The following NEXMIF variants were observed in gnomAD, a reference collection of about 807,000 sequenced individuals.
The protein encoded by NEXMIF is XLMR protein related to neurite extension.
A neutral mutation model predicts 62.1 loss-of-function variants in NEXMIF; 8 were observed. The ratio of observed to expected loss-of-function variants is 0.13; its 90% confidence interval spans 0.08 to 0.23. The LOEUF (loss-of-function observed/expected upper bound fraction) is 0.23, where lower values mean the gene tolerates loss of function less well. Among genes scored for constraint, NEXMIF ranks in the 10% least tolerant of loss-of-function variants. NEXMIF has a pLI of 1.00. For missense variants in NEXMIF, 976 were observed against 1,113.3 expected, an observed-to-expected ratio of 0.88 and a Z score of 1.75; for synonymous variants, 404 against 416.6, an observed-to-expected ratio of 0.97 and a Z score of 0.37.
intron 1 of NEXMIF, among the ~76,000 whole-genome samples, chrX:74,796,229 A>T (rs867515621): frequency 0.07 from 4,250 of 60,600 alleles, 200 homozygotes; most frequent in Non-Finnish European, 0.098. Flanking sequence ...ATACATATAT[A>T]ATATATATAT....
chrX:74,851,834 G>A (rs759125127), intron 1 of NEXMIF, among the ~76,000 whole-genome samples: 2 of 111,344 alleles, frequency 1.8e-5, no homozygotes, highest in South Asian at 7.5e-4. Flanking sequence ...GGACAAAAAA[G>A]GACTCAAATG....
intron 1 of NEXMIF, among the ~76,000 whole-genome samples, chrX:74,831,544 T>C (rs1033825669): frequency 1.5e-4 from 17 of 110,593 alleles, no homozygotes; most frequent in Non-Finnish European, 2.8e-4. Context: ...TATGGCTGCA[T>C]AGTATTCCAT....
intron 1 of NEXMIF, among the ~76,000 whole-genome samples, chrX:74,884,464 A>G: frequency 9.0e-6 from 1 of 111,680 alleles, no homozygotes; most frequent in East Asian, 2.8e-4. Flanking sequence ...TACCAAGCAA[A>G]TGGAAAACAA....
chrX:74,864,352 TTAAGC>T (rs1450169518), intron 1 of NEXMIF, among the ~76,000 whole-genome samples: 2 of 112,280 alleles, frequency 1.8e-5, no homozygotes, highest in African/African-American at 6.5e-5. Flanking sequence ...CCAAAGCTTC[TTAAGC>T]TAATAAGCAA....
chrX:74,744,318 G>A lies in NEXMIF; in HGVS notation c.239C>T (p.Pro80Leu), dbSNP rs1472519537. The A allele has an allele frequency of 8.3e-7, 1 of 1,209,621 alleles. No individual in the cohort carries two copies. Among genetic ancestry groups the A allele is most frequent in the African/African-American group, 1.8e-5 (1 of 57,060 alleles). ...KKPCMQSPPS[P>L]LGLIEAPEHA... The stretch of plus-strand genomic sequence containing the variant: ...TTCGGGTGCTTCAATCAGGCCCAAA[G>A]GAGAGGGCGGGCTCTGCATACAGGG... The change falls in exon 3 of 4, where the codon CCT (proline) becomes CTT (leucine). Residue 80 changes from proline (P) to leucine (L), a missense_variant. Pro to Leu is a moderately conservative substitution (Grantham distance 98). Around this residue, in one of 5 missense-constraint regions of NEXMIF, gnomAD observed 126 missense variants for 146.5 expected, o/e 0.86. Transcript: ENST00000055682.
intron 1 of NEXMIF, among the ~76,000 whole-genome samples, chrX:74,885,412 A>G (rs1223679376): frequency 1.8e-5 from 2 of 111,889 alleles, no homozygotes; most frequent in Non-Finnish European, 3.8e-5. Flanking sequence ...AGAATAATAA[A>G]GAAGAAAAGG....
intron 1 of NEXMIF, among the ~76,000 whole-genome samples, chrX:74,761,499 T>C (rs1362274243): frequency 1.8e-5 from 2 of 111,670 alleles, no homozygotes; most frequent in Admixed American, 1.9e-4. Context: ...GTTTTCCAGT[T>C]TGTGTCCATA....
intron 1 of NEXMIF, among the ~76,000 whole-genome samples, chrX:74,912,022 A>G (rs954684832): frequency 4.5e-5 from 5 of 111,999 alleles, no homozygotes; most frequent in Non-Finnish European, 9.4e-5. Flanking sequence ...GATTGAAAAC[A>G]CTGAATCTAC....
chrX:74,735,230 A>G lies in NEXMIF; in HGVS notation c.*4175T>C, dbSNP rs1320717667. ...CTCAATAATAAAGGAGAAAATAAAC[A>G]TTTCTATTTCTAGCAATAGTTAGGA... On this transcript the variant is annotated 3_prime_UTR_variant, in exon 4 of 4. Transcript: ENST00000055682. 4 of 111,652 alleles carry G rather than the reference A, an allele frequency of 3.6e-5. No homozygotes were observed. 9.2% of individuals were successfully genotyped at this position (111,652 alleles called of 1,213,427 possible).
chrX:74,792,516 T>G (rs2080288059), intron 1 of NEXMIF, among the ~76,000 whole-genome samples: 2 of 104,253 alleles, frequency 1.9e-5, no homozygotes, highest in African/African-American at 7.0e-5. Flanking sequence ...CTGAGTTCAA[T>G]TCCTGGGTAT....
intron 1 of NEXMIF, among the ~76,000 whole-genome samples, chrX:74,916,716 G>C (rs1489247415): frequency 9.0e-6 from 1 of 111,441 alleles, no homozygotes; most frequent in Non-Finnish European, 1.9e-5. Context: ...CTCAGTTTCA[G>C]GCATTCCATT....
At chrX:74,782,444 T>C (rs767692294) in intron 1 of NEXMIF, among the ~76,000 whole-genome samples, 10 of 111,260 alleles carry the variant, frequency 9.0e-5, no homozygotes, top group African/African-American at 3.3e-4. Flanking sequence ...CCTGCCATGA[T>C]TTCAAACTTC....
intron 1 of NEXMIF, among the ~76,000 whole-genome samples, chrX:74,830,971 C>A (rs768380446): frequency 9.1e-6 from 1 of 109,760 alleles, no homozygotes; most frequent in African/African-American, 3.3e-5. Context: ...TGTTTTTTTT[C>A]AAATGTAAGA....
In NEXMIF at chrX:74,741,366, C is replaced by T. The variant is rs770464262; in HGVS notation, c.3191G>A (p.Arg1064His). The change falls in exon 3 of 4, where the codon CGC becomes CAC. Residue 1064 changes from arginine (R) to histidine (H), a missense_variant. By Grantham distance (29) the Arg-to-His change is conservative. Transcript: ENST00000055682. Reference sequence around the variant, plus strand: ...GGACATCTCTGAAAGGGAAGAGTGGCGGAATTTGTCAGGGGTGAAGTTGGA... The same window carrying T: ...GGACATCTCTGAAAGGGAAGAGTGGTGGAATTTGTCAGGGGTGAAGTTGGA... ...DISNFTPDKF[R>H]HSSLSEMSPP... 17 of 1,208,800 alleles carry T rather than the reference C, an allele frequency of 1.4e-5. No homozygotes were observed. Among genetic ancestry groups the T allele is most frequent in the South Asian group, 5.3e-5 (3 of 56,697 alleles).
chrX:74,860,090 G>A (rs1289792209), intron 1 of NEXMIF, among the ~76,000 whole-genome samples: 1 of 110,906 alleles, frequency 9.0e-6, no homozygotes, highest in African/African-American at 3.3e-5. Flanking sequence ...CAGAAGATAA[G>A]GAGTGGTTGA....
intron 1 of NEXMIF, among the ~76,000 whole-genome samples, chrX:74,877,270 T>G (rs1196184981): frequency 9.0e-6 from 1 of 111,315 alleles, no homozygotes; most frequent in East Asian, 2.8e-4. Context: ...TGGCTGGATA[T>G]GAAATTCTGG....
intron 1 of NEXMIF, among the ~76,000 whole-genome samples, chrX:74,923,477 CT>C (rs1703272702): frequency 8.9e-6 from 1 of 112,030 alleles, no homozygotes; most frequent in African/African-American, 3.2e-5. Flanking sequence ...TTACTTAGGA[CT>C]TTTTTGTTCC....
chrX:74,809,863 G>C (rs1298668701), intron 1 of NEXMIF, among the ~76,000 whole-genome samples: 1 of 111,635 alleles, frequency 9.0e-6, no homozygotes, highest in East Asian at 2.8e-4. Flanking sequence ...TGAATAATGA[G>C]GGTGTTTGGT....
At chrX:74,877,743 A>G (rs2080642852) in intron 1 of NEXMIF, among the ~76,000 whole-genome samples, 1 of 110,920 alleles carries the variant, frequency 9.0e-6, no homozygotes, top group African/African-American at 3.3e-5. Context: ...CATTCATTTC[A>G]TCTTCCATCA....
Sources: allele counts gnomAD v4.1 joint callset (sites outside exome capture counted in the v4.1 genomes callset), GRCh38; gene constraint gnomAD v4.1.1; regional missense constraint gnomAD v4.1.1; transcripts MANE v1.5; gene names NCBI Gene and HGNC (gene_info 2026-07-23, HGNC 2026-07-21).